Variants in SYN3 observed in about 807,000 individuals in gnomAD.
The protein encoded by SYN3 is synapsin-3.
A neutral mutation model predicts 65.8 loss-of-function variants in SYN3; 35 were observed. The observed-to-expected ratio is 0.53, with a 90% confidence interval of 0.41 to 0.70. The LOEUF (loss-of-function observed/expected upper bound fraction) is 0.70, where lower values mean the gene tolerates loss of function less well. SYN3 is among the 30% of genes least tolerant of loss of function. The pLI, the probability that SYN3 is intolerant of heterozygous loss-of-function variation, is 0.00. For synonymous variants in SYN3, 270 were observed against 292.9 expected, an observed-to-expected ratio of 0.92 and a Z score of 0.80; for missense variants, 680 against 749.0, an observed-to-expected ratio of 0.91 and a Z score of 1.08.
chr22:33,032,972 G>C (rs753130925), intron 1 of SYN3, among the ~76,000 whole-genome samples: 4 of 151,772 alleles, frequency 2.6e-5, no homozygotes, highest in African/African-American at 7.3e-5. Flanking sequence ...AGGGCCTCTC[G>C]ACTGCTCTCT....
chr22:32,865,754 T>C (rs979285082), intron 5 of SYN3, among the ~76,000 whole-genome samples: 6 of 152,122 alleles, frequency 3.9e-5, no homozygotes, highest in East Asian at 1.9e-4. Context: ...TGCTTTATTA[T>C]TGGAGCAACA....
At chr22:32,980,506 T>G in intron 3 of SYN3, 139 bp downstream of exon 3, 1 of 751,842 alleles carries the variant, frequency 1.3e-6, no homozygotes, top group Non-Finnish European at 2.3e-6. Context: ...TTAATGAGAC[T>G]CCCAAGTATA....
intron 6 of SYN3, among the ~76,000 whole-genome samples, chr22:32,772,214 A>T (rs1278723123): frequency 2.0e-5 from 3 of 151,796 alleles, no homozygotes; most frequent in Non-Finnish European, 4.4e-5. Context: ...AAGGTCAAGA[A>T]ATGCTGCAGA....
chr22:32,515,884 C>T (rs1238711399), intron 13 of SYN3, among the ~76,000 whole-genome samples: 14 of 151,860 alleles, frequency 9.2e-5, no homozygotes, highest in Admixed American at 5.2e-4. Context: ...CTGCAAGCTC[C>T]GCCTCCTGGG....
At chr22:32,680,830 G>A (rs1445852816) in intron 6 of SYN3, among the ~76,000 whole-genome samples, 1 of 152,138 alleles carries the variant, frequency 6.6e-6, no homozygotes, top group Non-Finnish European at 1.5e-5. Context: ...CTCTCTTGAG[G>A]TTCCTTCCAT....
chr22:32,983,064 T>G (rs949513737), intron 2 of SYN3, among the ~76,000 whole-genome samples: 4 of 152,236 alleles, frequency 2.6e-5, no homozygotes, highest in African/African-American at 9.6e-5. Flanking sequence ...AGTTTCCATT[T>G]TCTCTTTTTG....
chr22:32,940,845 G>A (rs985207561), intron 3 of SYN3, among the ~76,000 whole-genome samples: 2 of 152,142 alleles, frequency 1.3e-5, no homozygotes, highest in African/African-American at 2.4e-5. Context: ...AGGAGCAAAG[G>A]CAAGATAGGA....
chr22:32,673,703 C>T (rs2740982), intron 6 of SYN3, among the ~76,000 whole-genome samples: 38,292 of 152,012 alleles, frequency 0.25, 6,732 homozygotes, highest in East Asian at 0.64. Context: ...GGGCAGAGGG[C>T]GTATTCTAGA....
At chr22:32,824,471 C>T (rs1419104546) in intron 6 of SYN3, among the ~76,000 whole-genome samples, 2 of 151,864 alleles carry the variant, frequency 1.3e-5, no homozygotes, top group South Asian at 4.2e-4. Flanking sequence ...ACTGGCACCA[C>T]CAGAGACAAC....
intron 1 of SYN3, among the ~76,000 whole-genome samples, chr22:33,043,107 T>TA (rs2053993533): frequency 6.6e-6 from 1 of 152,222 alleles, no homozygotes; most frequent in Non-Finnish European, 1.5e-5. Flanking sequence ...AAATAGTCCT[T>TA]ACTGGGACTA....
intron 6 of SYN3, among the ~76,000 whole-genome samples, chr22:32,647,451 CTT>C (rs58987529): frequency 6.9e-5 from 10 of 144,732 alleles, no homozygotes; most frequent in Admixed American, 1.4e-4. Context: ...TTTTCTTTTT[CTT>C]TTTTTTTTTT....
intron 6 of SYN3, among the ~76,000 whole-genome samples, chr22:32,599,335 T>C (rs1403655051): frequency 2.0e-5 from 3 of 152,080 alleles, no homozygotes; most frequent in Non-Finnish European, 4.4e-5. Context: ...TTTTTTTTTT[T>C]TTTTGAGGCA....
chr22:32,821,238 T>C (rs1311137617), intron 6 of SYN3, among the ~76,000 whole-genome samples: 1 of 152,118 alleles, frequency 6.6e-6, no homozygotes, highest in Non-Finnish European at 1.5e-5. Flanking sequence ...GTTTTCCCAA[T>C]TGCAAAATGG....
chr22:32,673,545 T>C (rs1193498074), intron 6 of SYN3, among the ~76,000 whole-genome samples: 1 of 152,216 alleles, frequency 6.6e-6, no homozygotes, highest in Admixed American at 6.5e-5. Context: ...AGATCTGACA[T>C]AGTGCCATGA....
intron 3 of SYN3, among the ~76,000 whole-genome samples, chr22:32,973,205 T>C (rs748882005): frequency 1.3e-5 from 2 of 152,194 alleles, no homozygotes; most frequent in Non-Finnish European, 2.9e-5. Context: ...TGGTTGATGT[T>C]TTTCTAACCA....
chr22:32,916,694 G>C (rs1158586135), intron 4 of SYN3, among the ~76,000 whole-genome samples: 2 of 152,106 alleles, frequency 1.3e-5, no homozygotes, highest in African/African-American at 4.8e-5. Flanking sequence ...GCAAACTCCT[G>C]GGTCTCACCC....
chr22:32,762,905 C>G (rs556039024), intron 6 of SYN3, among the ~76,000 whole-genome samples: 6 of 151,800 alleles, frequency 4.0e-5, no homozygotes, highest in Admixed American at 3.3e-4. Context: ...AAGCATGAGT[C>G]AAATAGGAGA....
At chr22:32,914,352 G>A (rs2050133797) in intron 4 of SYN3, among the ~76,000 whole-genome samples, 1 of 152,056 alleles carries the variant, frequency 6.6e-6, no homozygotes, top group Admixed American at 6.5e-5. Flanking sequence ...CACTTTTGGG[G>A]TAACCTCAGG....
chr22:32,890,537 C>T (rs572479433), intron 4 of SYN3, among the ~76,000 whole-genome samples: 1 of 152,180 alleles, frequency 6.6e-6, no homozygotes, highest in African/African-American at 2.4e-5. Context: ...CATGCCACCA[C>T]GCCTGGCTAA....
Sources: allele counts gnomAD v4.1 joint callset (sites outside exome capture counted in the v4.1 genomes callset), GRCh38; gene constraint gnomAD v4.1.1; transcripts MANE v1.5; gene names NCBI Gene and HGNC (gene_info 2026-07-23, HGNC 2026-07-21).